CCDC15: variants seen among roughly 807,000 people sequenced by gnomAD.
CCDC15 encodes coiled-coil domain containing 15.
A neutral mutation model predicts 114.5 loss-of-function variants in CCDC15; 105 were observed. The ratio of observed to expected loss-of-function variants is 0.92; its 90% confidence interval spans 0.78 to 1.08. The LOEUF (loss-of-function observed/expected upper bound fraction) is 1.08. CCDC15 is among the 50% of genes least tolerant of loss of function. The pLI is 0.00. For synonymous variants in CCDC15, 334 were observed against 377.8 expected, an observed-to-expected ratio of 0.88 and a Z score of 1.34; for missense variants, 1,105 against 1,093.6, an observed-to-expected ratio of 1.01 and a Z score of -0.15.
At chr11:125,010,202 T>C (rs1044398559) in intron 13 of CCDC15, among the ~76,000 whole-genome samples, 28 of 152,172 alleles carry the variant, frequency 1.8e-4, no homozygotes, top group African/African-American at 6.3e-4. Flanking sequence ...TTTACTAATA[T>C]CTGTTTTGAC....
chr11:124,954,588 G>A (rs2135420566), intron 1 of CCDC15, 136 bp from the exon 2 acceptor site: 1 of 619,976 alleles, frequency 1.6e-6, no homozygotes, highest in Non-Finnish European at 2.8e-6. Context: ...TCTAGAATCC[G>A]TGTGTTTCCA....
chr11:125,038,724 G>A, intron 14 of CCDC15, 120 bp downstream of exon 14: 1 of 1,208,036 alleles, frequency 8.3e-7, no homozygotes, highest in Non-Finnish European at 1.1e-6. Context: ...TCATTTAGGA[G>A]TTCATAACTT....
At chr11:125,039,802 C>T (rs1334974935) in intron 15 of CCDC15, among the ~76,000 whole-genome samples, 4 of 145,994 alleles carry the variant, frequency 2.7e-5, no homozygotes, top group Non-Finnish European at 6.0e-5. Context: ...TATATTTTCT[C>T]TCTGGCTCTG....
intron 11 of CCDC15, among the ~76,000 whole-genome samples, chr11:124,995,798 A>G (rs1591598472): frequency 6.7e-6 from 1 of 149,990 alleles, no homozygotes; most frequent in East Asian, 2.0e-4. Context: ...TGCTGTTACT[A>G]TCCCTGGAAA....
intron 4 of CCDC15, among the ~76,000 whole-genome samples, chr11:124,969,167 G>A (rs1029922280): frequency 6.6e-6 from 1 of 152,060 alleles, no homozygotes; most frequent in Non-Finnish European, 1.5e-5. Flanking sequence ...ACACAATACT[G>A]TATTTTAAAT....
intron 4 of CCDC15, among the ~76,000 whole-genome samples, chr11:124,963,862 G>C (rs538843355): frequency 6.6e-6 from 1 of 152,198 alleles, no homozygotes; most frequent in South Asian, 2.1e-4. Context: ...TCTACATATG[G>C]CTAGCCAGTT....
chr11:125,040,613 TTCA>T lies in CCDC15; in HGVS notation c.2762_2764del (p.Ile921del), dbSNP rs1765558609. ...AGCATATACTCGGGCACTACATTCA[TTCA>T]TCAATTCCTGTGATGTCCCTGGGGG... On this transcript the variant is annotated inframe_deletion, in exon 16 of 16. Coordinates refer to ENST00000344762, the MANE Select transcript of CCDC15 (RefSeq NM_025004.3). 2.5e-6 allele frequency: 4 copies of T among 1,610,420 alleles called. No homozygotes were observed. The highest frequency in any genetic ancestry group is 3.4e-6 in the Non-Finnish European group (4 of 1,178,026).
At chr11:124,965,825 A>C (rs1302011855) in intron 4 of CCDC15, among the ~76,000 whole-genome samples, 1 of 152,088 alleles carries the variant, frequency 6.6e-6, no homozygotes, top group Non-Finnish European at 1.5e-5. Context: ...TGTCCGAGAG[A>C]TTCTGGTATG....
chr11:124,999,333 A>G (rs1948432345), intron 11 of CCDC15, among the ~76,000 whole-genome samples: 1 of 152,126 alleles, frequency 6.6e-6, no homozygotes, highest in Admixed American at 6.5e-5. Flanking sequence ...GTTTTTTGCC[A>G]TTATGTCTCC....
At chr11:124,985,681 T>C (rs1351448639) in intron 6 of CCDC15, among the ~76,000 whole-genome samples, 1 of 151,430 alleles carries the variant, frequency 6.6e-6, no homozygotes, top group African/African-American at 2.4e-5. Flanking sequence ...TTGGGTTGTC[T>C]TTTTATTATC....
chr11:124,997,868 G>A (rs1948402838), intron 11 of CCDC15, among the ~76,000 whole-genome samples: 1 of 152,134 alleles, frequency 6.6e-6, no homozygotes, highest in East Asian at 1.9e-4. Flanking sequence ...CTTGAACTCA[G>A]GAGGCAGAGG....
intron 13 of CCDC15, among the ~76,000 whole-genome samples, chr11:125,036,472 C>T (rs980507310): frequency 5.9e-4 from 88 of 149,158 alleles, no homozygotes; most frequent in Non-Finnish European, 1.1e-3. Flanking sequence ...GTCAAATCTG[C>T]TCAGTAACCT....
intron 13 of CCDC15, among the ~76,000 whole-genome samples, chr11:125,007,409 A>G (rs949493537): frequency 5.9e-5 from 9 of 152,072 alleles, no homozygotes; most frequent in African/African-American, 2.2e-4. Context: ...AAATGACAGG[A>G]TTTCATTCTT....
intron 6 of CCDC15, among the ~76,000 whole-genome samples, chr11:124,985,033 C>T (rs539316186): frequency 6.6e-6 from 1 of 152,338 alleles, no homozygotes; most frequent in South Asian, 2.1e-4. Context: ...CAATCCTAGG[C>T]AGCTACTAAT....
intron 13 of CCDC15, among the ~76,000 whole-genome samples, chr11:125,021,200 G>A (rs1948658560): frequency 6.6e-6 from 1 of 151,778 alleles, no homozygotes; most frequent in African/African-American, 2.4e-5. Flanking sequence ...ATGGTCTAAA[G>A]AAGTATACGA....
intron 13 of CCDC15, among the ~76,000 whole-genome samples, chr11:125,009,963 A>C (rs573280666): frequency 6.6e-6 from 1 of 152,312 alleles, no homozygotes; most frequent in South Asian, 2.1e-4. Flanking sequence ...TGCGATGAAC[A>C]TATGAATGCG....
intron 6 of CCDC15, among the ~76,000 whole-genome samples, chr11:124,984,467 G>T (rs1396234005): frequency 6.6e-6 from 1 of 152,152 alleles, no homozygotes; most frequent in Non-Finnish European, 1.5e-5. Flanking sequence ...GCCCTGCACT[G>T]TTCACGTCCG....
chr11:124,997,610 G>A (rs901196284), intron 11 of CCDC15, among the ~76,000 whole-genome samples: 18 of 152,046 alleles, frequency 1.2e-4, no homozygotes, highest in African/African-American at 4.1e-4. Context: ...GAATATCTTC[G>A]TTGTTATAAG....
At chr11:124,977,850 T>A (rs1948001791) in intron 6 of CCDC15, among the ~76,000 whole-genome samples, 1 of 152,162 alleles carries the variant, frequency 6.6e-6, no homozygotes, top group African/African-American at 2.4e-5. Flanking sequence ...TTTAATTTTT[T>A]AATTAATTTT....
Sources: allele counts gnomAD v4.1 joint callset (sites outside exome capture counted in the v4.1 genomes callset), GRCh38; gene constraint gnomAD v4.1.1; transcripts MANE v1.5; gene names NCBI Gene and HGNC (gene_info 2026-07-23, HGNC 2026-07-21).